CIMIP6: variants seen among roughly 807,000 people sequenced by gnomAD.
CIMIP6 encodes ciliary microtubule inner protein 6, also known as uncharacterized protein C2orf73.
At chr2:54,364,076 G>T in the CIMIP6 span, among the ~76,000 whole-genome samples, 1 of 152,142 alleles carries the variant, frequency 6.6e-6, no homozygotes, top group Non-Finnish European at 1.5e-5. Context: ...TGAACTTTCA[G>T]TATCCATTGT....
the CIMIP6 span, among the ~76,000 whole-genome samples, chr2:54,373,280 C>G: frequency 6.6e-6 from 1 of 152,016 alleles, no homozygotes; most frequent in Non-Finnish European, 1.5e-5. Context: ...CGGAACCTGC[C>G]GCGCATGCTT....
the CIMIP6 span, chr2:54,343,897 C>A: frequency 1.3e-6 from 2 of 1,522,606 alleles, no homozygotes; most frequent in South Asian, 1.3e-5. Flanking sequence ...GTGGTAAAAA[C>A]CTTTTATGTT....
At chr2:54,377,129 G>C in the CIMIP6 span, among the ~76,000 whole-genome samples, 2 of 152,116 alleles carry the variant, frequency 1.3e-5, no homozygotes, top group South Asian at 4.1e-4. Context: ...CCTTACAAAG[G>C]GAATTTACGG....
chr2:54,380,185 T>C, the CIMIP6 span, among the ~76,000 whole-genome samples: 2,253 of 152,156 alleles, frequency 0.015, 40 homozygotes, highest in African/African-American at 0.052. Flanking sequence ...ATAAATGTGT[T>C]CTGTGCCTCC....
chr2:54,351,478 C>G, the CIMIP6 span, among the ~76,000 whole-genome samples: 4 of 152,146 alleles, frequency 2.6e-5, no homozygotes, highest in African/African-American at 9.7e-5. Context: ...TTTGCAGGAA[C>G]ATGGATGGAG....
At chr2:54,375,952 T>C in the CIMIP6 span, among the ~76,000 whole-genome samples, 23 of 152,044 alleles carry the variant, frequency 1.5e-4, no homozygotes, top group Admixed American at 6.5e-5. Flanking sequence ...CCCTGGAAAG[T>C]AGAGATAAAG....
the CIMIP6 span, among the ~76,000 whole-genome samples, chr2:54,380,616 A>G: frequency 6.6e-6 from 1 of 152,340 alleles, no homozygotes; most frequent in South Asian, 2.1e-4. Context: ...CTACCTGTCG[A>G]CATTACAGGG....
At chr2:54,366,475 C>A in the CIMIP6 span, among the ~76,000 whole-genome samples, 5 of 152,138 alleles carry the variant, frequency 3.3e-5, no homozygotes, top group African/African-American at 1.2e-4. Context: ...CTAACTTATA[C>A]AATGATTGAG....
the CIMIP6 span, chr2:54,360,361 A>G: frequency 6.2e-7 from 1 of 1,610,450 alleles, no homozygotes; most frequent in Admixed American, 1.7e-5. Context: ...TGATCTCACC[A>G]GGTCTCTGCC....
the CIMIP6 span, chr2:54,343,797 T>C: frequency 6.2e-7 from 1 of 1,612,714 alleles, no homozygotes; most frequent in Non-Finnish European, 8.5e-7. Flanking sequence ...CCCAGAGGAG[T>C]GACTTCCAAA....
At chr2:54,350,872 T>C in the CIMIP6 span, among the ~76,000 whole-genome samples, 3 of 152,232 alleles carry the variant, frequency 2.0e-5, no homozygotes, top group Non-Finnish European at 4.4e-5. Context: ...CCCTTTACAC[T>C]TTGAAGATAT....
the CIMIP6 span, among the ~76,000 whole-genome samples, chr2:54,350,926 G>T: frequency 1.3e-5 from 2 of 152,168 alleles, no homozygotes; most frequent in South Asian, 4.1e-4. Context: ...CAAGTCTGCA[G>T]GCAGTTCAAA....
At chr2:54,367,858 T>G in the CIMIP6 span, among the ~76,000 whole-genome samples, 1 of 152,198 alleles carries the variant, frequency 6.6e-6, no homozygotes, top group Admixed American at 6.5e-5. Context: ...TTGCAATATT[T>G]TCTTTATTAC....
the CIMIP6 span, among the ~76,000 whole-genome samples, chr2:54,369,284 C>A: frequency 1.2e-4 from 19 of 152,116 alleles, no homozygotes; most frequent in African/African-American, 4.6e-4. Context: ...TTGACTCATA[C>A]CATCTAACAA....
chr2:54,372,478 G>A, the CIMIP6 span, among the ~76,000 whole-genome samples: 2 of 152,142 alleles, frequency 1.3e-5, no homozygotes, highest in South Asian at 2.1e-4. Flanking sequence ...TCCCCTCTGC[G>A]AATCTGGGCA....
chr2:54,372,174 C>CT, the CIMIP6 span, among the ~76,000 whole-genome samples: 1 of 152,156 alleles, frequency 6.6e-6, no homozygotes, highest in African/African-American at 2.4e-5. Context: ...AGAAACTTGC[C>CT]TGTGGTCAAA....
the CIMIP6 span, among the ~76,000 whole-genome samples, chr2:54,334,080 A>G: frequency 6.6e-6 from 1 of 152,162 alleles, no homozygotes; most frequent in Non-Finnish European, 1.5e-5. Context: ...CTTCTATGTA[A>G]AAAGTATTCA....
At chr2:54,372,044 T>C in the CIMIP6 span, among the ~76,000 whole-genome samples, 5 of 152,224 alleles carry the variant, frequency 3.3e-5, no homozygotes, top group Non-Finnish European at 7.3e-5. Context: ...CATGGAACTA[T>C]TCTATGAACT....
the CIMIP6 span, among the ~76,000 whole-genome samples, chr2:54,344,971 G>A: frequency 1.3e-5 from 2 of 152,048 alleles, no homozygotes; most frequent in Non-Finnish European, 2.9e-5. Flanking sequence ...TATTTGCCAG[G>A]CACTTTATGG....
Sources: allele counts gnomAD v4.1 joint callset (sites outside exome capture counted in the v4.1 genomes callset), GRCh38; gene constraint gnomAD v4.1.1; transcripts MANE v1.5; gene names NCBI Gene and HGNC (gene_info 2026-07-23, HGNC 2026-07-21).